TMEM184B: variants seen among roughly 807,000 people sequenced by gnomAD.
TMEM184B encodes putative MAPK-activating protein FM08.
Under a neutral mutation model 41.8 loss-of-function variants are expected in TMEM184B, and 17 were observed. That is an observed-to-expected ratio of 0.41 (90% confidence interval 0.28 to 0.61). TMEM184B has a LOEUF of 0.61. Among genes scored for constraint, TMEM184B ranks in the 20% least tolerant of loss-of-function variants. The pLI, the probability that TMEM184B is intolerant of heterozygous loss-of-function variation, is 0.34. For synonymous variants in TMEM184B, 240 were observed against 229.5 expected, an observed-to-expected ratio of 1.05 and a Z score of -0.41; for missense variants, 393 against 557.8, an observed-to-expected ratio of 0.70 and a Z score of 2.98.
At chr22:38,246,924 G>A (rs911850605) in intron 2 of TMEM184B, 5 of 1,268,872 alleles carry the variant, frequency 3.9e-6, no homozygotes, top group South Asian at 3.8e-5. Context: ...CATCTGCTAT[G>A]AGCCAAAAGC....
chr22:38,270,180 C>T (rs73154459), intron 1 of TMEM184B, among the ~76,000 whole-genome samples: 1 of 152,142 alleles, frequency 6.6e-6, no homozygotes, highest in East Asian at 1.9e-4. Flanking sequence ...CTACCTGGAA[C>T]GCCCTCCTTC....
chr22:38,231,070 G>A (rs1190005412), intron 4 of TMEM184B, among the ~76,000 whole-genome samples, 174 bp downstream of exon 4: 1 of 152,228 alleles, frequency 6.6e-6, no homozygotes, highest in Non-Finnish European at 1.5e-5. Flanking sequence ...CTGAGCCGCA[G>A]AGGCCCTCCT....
intron 8 of TMEM184B, among the ~76,000 whole-genome samples, chr22:38,224,275 C>G (rs999586005): frequency 4.6e-5 from 7 of 152,122 alleles, no homozygotes; most frequent in Admixed American, 4.6e-4. Flanking sequence ...CCACCACGCC[C>G]GGCTAATTTT....
chr22:38,236,658 T>G (rs189823556), intron 3 of TMEM184B, among the ~76,000 whole-genome samples: 1 of 152,148 alleles, frequency 6.6e-6, no homozygotes. Flanking sequence ...TAATTTGTGT[T>G]TTTTGTTTTT....
chr22:38,233,756 T>G (rs558694021), intron 3 of TMEM184B, among the ~76,000 whole-genome samples: 1 of 151,576 alleles, frequency 6.6e-6, no homozygotes, highest in Non-Finnish European at 1.5e-5. Flanking sequence ...TATTTTTTTT[T>G]GTTGTTTTTG....
chr22:38,222,830 G>C (rs2091299885), intron 8 of TMEM184B: 1 of 521,336 alleles, frequency 1.9e-6, no homozygotes, highest in Non-Finnish European at 2.5e-6. Flanking sequence ...GCCCCACAGG[G>C]CACCCAGGAA....
chr22:38,221,277 T>C lies in TMEM184B; in HGVS notation c.*192A>G, dbSNP rs1240620081. 4 of 1,428,166 alleles carry C rather than the reference T, an allele frequency of 2.8e-6. No homozygotes were observed. The highest frequency in any genetic ancestry group is 3.6e-6 in the Non-Finnish European group (4 of 1,096,088). The allele number at this position is 1,428,166 out of a possible 1,614,324, so 88.5% of individuals were successfully genotyped here. Reference sequence around the variant, plus strand: ...GTGCAGGCTGGGCCATGTATAAATATTCCTGAAGGCCCATGGGCGAGCCTG... The same window carrying C: ...GTGCAGGCTGGGCCATGTATAAATACTCCTGAAGGCCCATGGGCGAGCCTG... On this transcript the variant is annotated 3_prime_UTR_variant, in exon 9 of 9. Coordinates refer to ENST00000361906, the MANE Select transcript of TMEM184B (RefSeq NM_012264.5).
At chr22:38,259,893 A>C (rs1449084839) in intron 1 of TMEM184B, among the ~76,000 whole-genome samples, 17 of 145,930 alleles carry the variant, frequency 1.2e-4, no homozygotes, top group Admixed American at 1.2e-3. Context: ...CTCCCACCTC[A>C]GCCTCCAGAG....
intron 1 of TMEM184B, among the ~76,000 whole-genome samples, chr22:38,257,020 TG>T (rs1459695504): frequency 6.6e-6 from 1 of 150,428 alleles, no homozygotes; most frequent in African/African-American, 2.5e-5. Flanking sequence ...TCGCTCTTGT[TG>T]CCCAGGCTGG....
chr22:38,250,498 C>G (rs1210898067), intron 1 of TMEM184B, among the ~76,000 whole-genome samples: 2 of 152,228 alleles, frequency 1.3e-5, no homozygotes, highest in African/African-American at 4.8e-5. Flanking sequence ...GACACAGTGA[C>G]AAGTCCAAGA....
Position 38,225,033 on chromosome 22 carries a change from CCTT to C in TMEM184B, c.788-57_788-55del, listed in dbSNP as rs2091389834. 6.8e-7 allele frequency: 1 copy of C among 1,479,408 alleles called. No individual in the cohort carries two copies. The highest frequency in any genetic ancestry group is 9.0e-7 in the Non-Finnish European group (1 of 1,112,892). The allele number at this position is 1,479,408 out of a possible 1,614,324, so 91.6% of individuals were successfully genotyped here. ...CCAGAATGATTCCTTTCCTGCTCCCCCTTCTTCCACAATGCCCCATTCAGCTGC... is the reference window on the plus strand; with the variant it reads ...CCAGAATGATTCCTTTCCTGCTCCCCCTTCCACAATGCCCCATTCAGCTGC... On this transcript the variant is annotated intron_variant, in intron 7 of 8. Transcript: ENST00000361906. The surrounding 1 kb of genome is among the most constrained non-coding windows in gnomAD (Gnocchi z 4.4).
intron 1 of TMEM184B, among the ~76,000 whole-genome samples, chr22:38,251,755 T>C (rs1602458130): frequency 6.6e-6 from 1 of 152,158 alleles, no homozygotes; most frequent in Non-Finnish European, 1.5e-5. Context: ...GGCAATGCCA[T>C]CTGGTGCAGC....
chr22:38,248,758 A>G (rs1251178402), intron 1 of TMEM184B, among the ~76,000 whole-genome samples: 6 of 152,192 alleles, frequency 3.9e-5, no homozygotes, highest in African/African-American at 7.2e-5. Context: ...GACACACAAC[A>G]GAAATTCGGG....
At chr22:38,231,436 T>C (rs2091617347) in intron 3 of TMEM184B, 102 bp from the exon 4 acceptor site, 10 of 970,676 alleles carry the variant, frequency 1.0e-5, no homozygotes, top group Non-Finnish European at 1.7e-5. Flanking sequence ...CACAGCTGTG[T>C]GTGGCAACAG....
chr22:38,225,091 G>A lies in TMEM184B; in HGVS notation c.788-112C>T. 2 of 1,214,610 alleles carry A rather than the reference G, an allele frequency of 1.6e-6. No homozygotes were observed. Among genetic ancestry groups the A allele is most frequent in the South Asian group, 3.1e-5 (2 of 63,910 alleles). 75.2% of individuals were successfully genotyped at this position (1,214,610 alleles called of 1,614,324 possible). Reference sequence around the variant, plus strand: ...ATGCCCCAGTGAGGATGTGAGCAGGGCCACAGCTGCTCCTGCAGGGCAGGG... The same window carrying A: ...ATGCCCCAGTGAGGATGTGAGCAGGACCACAGCTGCTCCTGCAGGGCAGGG... On this transcript the variant is annotated intron_variant, in intron 7 of 8. Coordinates refer to ENST00000361906, the MANE Select transcript of TMEM184B (RefSeq NM_012264.5). The surrounding 1 kb of genome is among the most constrained non-coding windows in gnomAD (Gnocchi z 4.4).
At chr22:38,246,890 G>A (rs775443367) in intron 2 of TMEM184B, 9 of 1,301,474 alleles carry the variant, frequency 6.9e-6, no homozygotes, top group Non-Finnish European at 9.1e-6. Flanking sequence ...CCTGGGCTGG[G>A]GAGGAAAAGA....
chr22:38,242,858 T>A (rs1039064062), intron 3 of TMEM184B, among the ~76,000 whole-genome samples: 1 of 151,928 alleles, frequency 6.6e-6, no homozygotes, highest in Non-Finnish European at 1.5e-5. Flanking sequence ...GGTCAAGAGA[T>A]CAAGACCATC....
intron 3 of TMEM184B, among the ~76,000 whole-genome samples, chr22:38,235,233 G>A (rs953049583): frequency 1.3e-5 from 2 of 152,168 alleles, no homozygotes; most frequent in Admixed American, 1.3e-4. Context: ...CTCAGAGGCT[G>A]GCCCCAAGAC....
intron 1 of TMEM184B, among the ~76,000 whole-genome samples, chr22:38,269,637 C>T (rs1395217998): frequency 2.0e-5 from 3 of 152,184 alleles, no homozygotes; most frequent in Non-Finnish European, 4.4e-5. Flanking sequence ...GTAGAAGCTG[C>T]AGCAAGCTAC....
Sources: allele counts gnomAD v4.1 joint callset (sites outside exome capture counted in the v4.1 genomes callset), GRCh38; gene constraint gnomAD v4.1.1; non-coding constraint Gnocchi (gnomAD v3.1); transcripts MANE v1.5; gene names NCBI Gene and HGNC (gene_info 2026-07-23, HGNC 2026-07-21).